The following UNC5D variants were observed in gnomAD, a reference collection of about 807,000 sequenced individuals.
UNC5D encodes unc-5 netrin receptor D.
A neutral mutation model predicts 105.4 loss-of-function variants in UNC5D; 39 were observed. The ratio of observed to expected loss-of-function variants is 0.37; its 90% CI spans 0.29 to 0.48. The LOEUF (loss-of-function observed/expected upper bound fraction) is 0.48. Ranked by LOEUF, UNC5D falls within the 20% of genes least tolerant of loss-of-function variation. UNC5D has a pLI of 0.98. For synonymous variants in UNC5D, 452 were observed against 450.4 expected, an observed-to-expected ratio of 1.00 and a Z score of -0.04; for missense variants, 991 against 1,202.4, an observed-to-expected ratio of 0.82 and a Z score of 2.60.
intron 1 of UNC5D, among the ~76,000 whole-genome samples, chr8:35,309,235 A>G (rs1214201619): frequency 3.3e-5 from 5 of 152,144 alleles, no homozygotes; most frequent in Non-Finnish European, 7.3e-5. Context: ...TGTGACTCAG[A>G]TTAATAACAG....
intron 1 of UNC5D, among the ~76,000 whole-genome samples, chr8:35,538,603 T>C (rs1250776430): frequency 6.6e-6 from 1 of 151,348 alleles, no homozygotes; most frequent in Non-Finnish European, 1.5e-5. Context: ...ATTGTAGTCA[T>C]GTAGGGGAAT....
chr8:35,774,323 T>C lies in UNC5D; in HGVS notation c.2503T>C (p.Phe835Leu). The change falls in exon 16 of 17, where the codon TTC becomes CTC. Residue 835 changes from phenylalanine to leucine, a missense_variant. By Grantham distance (22) the Phe-to-Leu change is conservative. Transcript: ENST00000404895. ...LESERETITF[F>L]AQEDSTFPAQ... ...GAGTGAACGAGAAACCATCACTTTC[T>C]TCGCACAAGAGGACAGCACTTTCCC... 6.2e-7 allele frequency: 1 copy of C among 1,614,110 alleles called. No homozygotes were observed. The highest frequency in any genetic ancestry group is 1.1e-5 in the South Asian group (1 of 91,084).
At chr8:35,525,441 C>A (rs11543121) in intron 1 of UNC5D, 10 of 1,612,072 alleles carry the variant, frequency 6.2e-6, no homozygotes, top group African/African-American at 4.0e-5. Context: ...TAGAGAGACA[C>A]CAGCACTGAT....
At chr8:35,337,067 T>C (rs1811099127) in intron 1 of UNC5D, among the ~76,000 whole-genome samples, 1 of 152,188 alleles carries the variant, frequency 6.6e-6, no homozygotes, top group African/African-American at 2.4e-5. Context: ...GACCCCATCA[T>C]AGGAGACTAA....
chr8:35,341,999 C>CT (rs971372008), intron 1 of UNC5D, among the ~76,000 whole-genome samples: 5 of 151,916 alleles, frequency 3.3e-5, no homozygotes, highest in South Asian at 2.1e-4. Flanking sequence ...TAGGTCTTCT[C>CT]TTTTTTTTCC....
chr8:35,256,001 C>G (rs1249899033), intron 1 of UNC5D: 1 of 152,182 alleles, frequency 6.6e-6, no homozygotes, highest in Non-Finnish European at 1.5e-5. Flanking sequence ...ATTCATTCCT[C>G]CATCACCACC....
chr8:35,239,930 CTCTTT>C (rs755482493), intron 1 of UNC5D, among the ~76,000 whole-genome samples: 63 of 147,418 alleles, frequency 4.3e-4, no homozygotes, highest in Non-Finnish European at 8.1e-4. Flanking sequence ...TTTCTCTTTT[CTCTTT>C]TCTTTTCTTT....
Position 35,595,636 on chromosome 8 carries a change from A to G in UNC5D, c.549A>G (p.Pro183=), listed in dbSNP as rs769056988. The G allele has an allele frequency of 2.0e-5, 32 of 1,614,038 alleles. No homozygotes were observed. The highest frequency in any genetic ancestry group is 2.6e-5 in the Non-Finnish European group (31 of 1,179,964). Residue 183 remains proline, a synonymous_variant, in exon 4 of 17, where the codon CCA becomes CCG. Coordinates refer to ENST00000404895, the MANE Select transcript of UNC5D (RefSeq NM_080872.4). ...TGATTGTACTGCACTGCCGCCCACC[A>G]GAGGGAGTCCCTGCTGCCGAGGTAA... is the stretch of plus-strand genomic sequence containing the variant. ...EGMIVLHCRP[P]EGVPAAEVEW... is the part of the protein sequence containing the mutation.
At chr8:35,343,741 T>A (rs1811616665) in intron 1 of UNC5D, among the ~76,000 whole-genome samples, 1 of 152,140 alleles carries the variant, frequency 6.6e-6, no homozygotes, top group African/African-American at 2.4e-5. Flanking sequence ...ACAGGGCTTG[T>A]GGTATCCTCT....
At chr8:35,733,151 T>C (rs1042814833) in intron 11 of UNC5D, among the ~76,000 whole-genome samples, 8 of 152,110 alleles carry the variant, frequency 5.3e-5, no homozygotes, top group African/African-American at 1.9e-4. Context: ...CCTTCCCAGA[T>C]GTTATCTCTA....
intron 1 of UNC5D, among the ~76,000 whole-genome samples, chr8:35,264,879 C>T (rs2128826620): frequency 6.6e-6 from 1 of 152,236 alleles, no homozygotes; most frequent in Admixed American, 6.5e-5. Context: ...TTTGCACAGC[C>T]CAGAAGGCTT....
intron 7 of UNC5D, among the ~76,000 whole-genome samples, chr8:35,696,747 G>A (rs1826809488): frequency 6.6e-6 from 1 of 152,072 alleles, no homozygotes; most frequent in Admixed American, 6.6e-5. Context: ...ATATAATAAA[G>A]ATGAGACTAA....
intron 1 of UNC5D, among the ~76,000 whole-genome samples, chr8:35,438,983 G>A (rs1341060820): frequency 6.6e-6 from 1 of 151,926 alleles, no homozygotes; most frequent in East Asian, 1.9e-4. Context: ...GGACGCAGGG[G>A]GCCAGAAATC....
intron 3 of UNC5D, among the ~76,000 whole-genome samples, chr8:35,574,219 T>C (rs766069060): frequency 6.8e-6 from 1 of 146,432 alleles, no homozygotes; most frequent in Non-Finnish European, 1.5e-5. Flanking sequence ...CACTAACCCT[T>C]GGCCGGGCAA....
Position 35,683,703 on chromosome 8 carries a change from C to G in UNC5D, c.727C>G (p.Leu243Val), listed in dbSNP as rs754427390. 4 of 1,551,680 alleles carry G rather than the reference C, an allele frequency of 2.6e-6. No individual in the cohort carries two copies. The highest frequency in any genetic ancestry group is 2.5e-5 in the South Asian group (2 of 79,310). ...CAACATCGTGGCTAAGAGGAGAAGC[C>G]TGTCGGCCACTGTTGTGGTCTACGG... ...AANIVAKRRS[L>V]SATVVVYVNG... Residue 243 changes from leucine to valine, a missense_variant, in exon 5 of 17, where the codon CTG becomes GTG. Around this residue, in one of 3 missense-constraint regions of UNC5D, gnomAD observed 944 missense variants for 1,131.6 expected, o/e 0.83. Coordinates refer to ENST00000404895, the MANE Select transcript of UNC5D (RefSeq NM_080872.4).
chr8:35,643,175 C>T (rs989453958), intron 4 of UNC5D, among the ~76,000 whole-genome samples: 2 of 152,098 alleles, frequency 1.3e-5, no homozygotes, highest in Non-Finnish European at 2.9e-5. Flanking sequence ...TAGTGGGATC[C>T]GTGGCCTCCA....
At chr8:35,402,648 C>T (rs1396512927) in intron 1 of UNC5D, among the ~76,000 whole-genome samples, 1 of 152,120 alleles carries the variant, frequency 6.6e-6, no homozygotes, top group Non-Finnish European at 1.5e-5. Context: ...ACTCGGTGAT[C>T]AGCTTATGTG....
intron 1 of UNC5D, among the ~76,000 whole-genome samples, chr8:35,417,058 C>T (rs908279177): frequency 4.6e-5 from 7 of 152,048 alleles, no homozygotes; most frequent in Non-Finnish European, 1.0e-4. Context: ...GTATCCATCC[C>T]CTGAAGCATT....
chr8:35,381,770 A>G (rs986055492), intron 1 of UNC5D, among the ~76,000 whole-genome samples: 1 of 152,196 alleles, frequency 6.6e-6, no homozygotes, highest in Non-Finnish European at 1.5e-5. Flanking sequence ...GATTCTAAGC[A>G]TAAAGTCTTT....
Sources: allele counts gnomAD v4.1 joint callset (sites outside exome capture counted in the v4.1 genomes callset), GRCh38; gene constraint gnomAD v4.1.1; regional missense constraint gnomAD v4.1.1; transcripts MANE v1.5; gene names NCBI Gene and HGNC (gene_info 2026-07-23, HGNC 2026-07-21).